The following PLSCR2 variants were observed in gnomAD, a reference collection of about 807,000 sequenced individuals.
PLSCR2 encodes PL scramblase 2.
PLSCR2 carries 18 observed loss-of-function variants against 25.3 expected under a neutral mutation model. The observed-to-expected ratio is 0.71, with a 90% CI of 0.49 to 1.06. The LOEUF is 1.06. PLSCR2 is among the 50% of genes least tolerant of loss of function. The pLI is 0.00. For synonymous variants in PLSCR2, 88 were observed against 87.3 expected (o/e 1.01, Z -0.04); for missense variants, 243 against 269.5 (o/e 0.90, Z 0.69).
intron 1 of PLSCR2, among the ~76,000 whole-genome samples, chr3:146,482,323 C>T (rs984416885): frequency 7.2e-5 from 11 of 151,904 alleles, no homozygotes; most frequent in Non-Finnish European, 1.2e-4. Flanking sequence ...TGCAATCTAC[C>T]CATCTGACAA....
Position 146,458,600 on chromosome 3 carries a change from A to G in PLSCR2, c.58-147T>C, listed in dbSNP as rs2041361271. On this transcript the variant is annotated intron_variant, in intron 2 of 6. Coordinates refer to ENST00000610787, the Ensembl canonical transcript of PLSCR2. ...TAATAAGTTTGCTACCTTTTATTGTAAAACTAAAGTTAACATATTTTTAAT... is the reference window on the plus strand; with the variant it reads ...TAATAAGTTTGCTACCTTTTATTGTGAAACTAAAGTTAACATATTTTTAAT... 4 of 508,274 alleles carry G rather than the reference A, an allele frequency of 7.9e-6. No individual in the cohort carries two copies. In the South Asian group the frequency reaches 2.0e-4, roughly 26 times the overall value. The allele number at this position is 508,274 out of a possible 1,614,324, so 31.5% of individuals were successfully genotyped here.
intron 2 of PLSCR2, chr3:146,401,292 T>A (rs1388398017): frequency 1.3e-5 from 2 of 152,514 alleles, no homozygotes; most frequent in Non-Finnish European, 2.9e-5. Context: ...CCAATCCCAA[T>A]GTTTAGACTT....
chr3:146,402,533 T>A (rs1466287166), intron 2 of PLSCR2, among the ~76,000 whole-genome samples: 2 of 152,038 alleles, frequency 1.3e-5, no homozygotes, highest in Admixed American at 1.3e-4. Context: ...AGTGGCACAG[T>A]CTCGGCTCAC....
chr3:146,394,603 G>A (rs542097980), intron 3 of PLSCR2, among the ~76,000 whole-genome samples: 5 of 152,204 alleles, frequency 3.3e-5, no homozygotes, highest in African/African-American at 9.6e-5. Flanking sequence ...GGTAATTACA[G>A]AAGGTTTACA....
At chr3:146,396,222 T>C (rs956548440) in intron 2 of PLSCR2, among the ~76,000 whole-genome samples, 1 of 152,214 alleles carries the variant, frequency 6.6e-6, no homozygotes, top group Non-Finnish European at 1.5e-5. Flanking sequence ...AATTTCATTA[T>C]AAAATGAAAA....
intron 2 of PLSCR2, among the ~76,000 whole-genome samples, chr3:146,402,300 T>C (rs1401244775): frequency 6.6e-6 from 1 of 152,112 alleles, no homozygotes; most frequent in Non-Finnish European, 1.5e-5. Context: ...TGGACAGTAA[T>C]TAAAAATGAT....
At chr3:146,468,626 CA>C (rs374231327) in intron 1 of PLSCR2, among the ~76,000 whole-genome samples, 30 of 152,256 alleles carry the variant, frequency 2.0e-4, no homozygotes, top group African/African-American at 7.0e-4. Flanking sequence ...AATTACTGCT[CA>C]AAAACCTTTC....
rs908001683 is a variant in PLSCR2 at position 146,400,118 on chromosome 3, C to G, written c.101-4197G>C. 3.3e-5 allele frequency among the ~76,000 whole-genome samples: 5 copies of G among 151,602 alleles called. No homozygotes were observed. In the East Asian group the frequency reaches 9.6e-4, roughly 29 times the overall value. On this transcript the variant is annotated intron_variant and NMD_transcript_variant, in intron 2 of 3. Coordinates refer to the PLSCR2 transcript ENST00000463633. ...AAAATGTTTCTGAGATTTCCAGAAT[C>G]CAGAGAGTAAATAAATACATACATT...
chr3:146,455,197 G>GC (rs762093034), intron 4 of PLSCR2, 42 bp downstream of exon 4: 29 of 1,299,616 alleles, frequency 2.2e-5, no homozygotes, highest in Non-Finnish European at 3.2e-5. Flanking sequence ...GGAAATCCTT[G>GC]CTGAACTACT....
exon 1 of PLSCR2, chr3:146,460,301 C>G: frequency 9.6e-7 from 1 of 1,037,608 alleles, no homozygotes; most frequent in Non-Finnish European, 1.3e-6. Context: ...ATAGAGTCGG[C>G]CTAGAGCTTT....
intron 6 of PLSCR2, among the ~76,000 whole-genome samples, chr3:146,446,350 T>C (rs778486803): frequency 2.0e-5 from 3 of 152,190 alleles, no homozygotes; most frequent in African/African-American, 2.4e-5. Context: ...AGTTTTTGGT[T>C]ACTGCAGCCA....
chr3:146,480,090 T>G (rs1216917518), intron 1 of PLSCR2, among the ~76,000 whole-genome samples: 2 of 152,194 alleles, frequency 1.3e-5, no homozygotes, highest in African/African-American at 4.8e-5. Context: ...CAAAGCCGTA[T>G]GTAGAGGGAA....
chr3:146,414,447 T>G (rs2038951121), intron 2 of PLSCR2, among the ~76,000 whole-genome samples: 3 of 152,170 alleles, frequency 2.0e-5, no homozygotes, highest in Admixed American at 6.5e-5. Context: ...TTGCATAAAA[T>G]AAAACAATTT....
chr3:146,455,843 G>A (rs2041187395), intron 3 of PLSCR2, among the ~76,000 whole-genome samples: 1 of 152,076 alleles, frequency 6.6e-6, no homozygotes, highest in African/African-American at 2.4e-5. Context: ...GAGGAATATA[G>A]GATGATTGCA....
At chr3:146,431,880 A>G (rs2039558965), downstream of PLSCR2, among the ~76,000 whole-genome samples, 1 of 147,206 alleles carries the variant, frequency 6.8e-6, no homozygotes. Flanking sequence ...AAAAAAAAAG[A>G]CTTTATTATC....
At chr3:146,485,822 A>G (rs779846749) in intron 1 of PLSCR2, among the ~76,000 whole-genome samples, 1 of 152,134 alleles carries the variant, frequency 6.6e-6, no homozygotes, top group Non-Finnish European at 1.5e-5. Context: ...CCTCACAATC[A>G]TGGCGGAAGG....
At chr3:146,492,060 T>C (rs2043571425) in intron 1 of PLSCR2, among the ~76,000 whole-genome samples, 1 of 152,092 alleles carries the variant, frequency 6.6e-6, no homozygotes, top group Admixed American at 6.6e-5. Context: ...ATAAGTTGGG[T>C]TTAGTCAACT....
downstream of PLSCR2, among the ~76,000 whole-genome samples, chr3:146,431,864 T>TAAAAAA (rs34188112): frequency 6.9e-6 from 1 of 143,930 alleles, no homozygotes. Context: ...CATCAAGCAT[T>TAAAAAA]AAAAAAAAAA....
intron 1 of PLSCR2, among the ~76,000 whole-genome samples, chr3:146,474,001 C>A (rs768568790): frequency 9.9e-5 from 15 of 152,142 alleles, no homozygotes; most frequent in Non-Finnish European, 1.6e-4. Flanking sequence ...ATCCAGCCTC[C>A]TTTCTCTGTT....
Sources: allele counts gnomAD v4.1 joint callset (sites outside exome capture counted in the v4.1 genomes callset), GRCh38; gene constraint gnomAD v4.1.1; transcripts MANE v1.5; gene names NCBI Gene and HGNC (gene_info 2026-07-23, HGNC 2026-07-21).